Variants in DMD observed in about 807,000 individuals in gnomAD.
DMD encodes dystrophin, also known as mutant dystrophin.
DMD carries 63 observed loss-of-function variants against 330.1 expected under a neutral mutation model. The ratio of observed to expected loss-of-function variants is 0.19; its 90% confidence interval spans 0.16 to 0.24. DMD has a LOEUF of 0.24. DMD is among the 10% of genes least tolerant of loss of function. The pLI, the probability that DMD is intolerant of heterozygous loss-of-function variation, is 1.00. For missense variants in DMD, 3,344 were observed against 2,684.1 expected (o/e 1.25, Z -5.43); for synonymous variants, 1,223 against 959.8 (o/e 1.27, Z -5.07).
Position 32,614,283 on chromosome X carries a change from G to C in DMD, c.1482+20C>G, listed in dbSNP as rs766314821. 1.7e-6 allele frequency: 2 copies of C among 1,203,142 alleles called. No individual in the cohort carries two copies. Among genetic ancestry groups the C allele is most frequent in the African/African-American group, 3.5e-5 (2 of 56,686 alleles). On this transcript the variant is annotated intron_variant, in intron 12 of 78. Coordinates refer to ENST00000357033, the MANE Select transcript of DMD (RefSeq NM_004006.3). ...GAGTTTGCTTTCTAGTAGAAAGCAC[G>C]CAACATAAGATACACCTACCTTATG...
At chrX:31,872,720 G>A (rs907321381) in intron 48 of DMD, among the ~76,000 whole-genome samples, 4 of 111,630 alleles carry the variant, frequency 3.6e-5, no homozygotes, top group African/African-American at 9.8e-5. Flanking sequence ...GCAATATTAC[G>A]CCAGTTACTT....
At chrX:32,153,241 T>C (rs1456789895) in intron 44 of DMD, among the ~76,000 whole-genome samples, 2 of 112,027 alleles carry the variant, frequency 1.8e-5, no homozygotes, top group Non-Finnish European at 3.8e-5. Context: ...ACAGACAATA[T>C]CTCTGGAATT....
intron 1 of DMD, among the ~76,000 whole-genome samples, chrX:33,072,921 A>G (rs776084160): frequency 8.9e-6 from 1 of 111,920 alleles, no homozygotes; most frequent in African/African-American, 3.2e-5. Flanking sequence ...GACTAAAACT[A>G]CTATTTAATT....
chrX:31,246,666 G>A (rs1341019036), intron 63 of DMD, among the ~76,000 whole-genome samples: 1 of 112,237 alleles, frequency 8.9e-6, no homozygotes, highest in Non-Finnish European at 1.9e-5. Flanking sequence ...AGTGGCTCAT[G>A]CCTGTAATCC....
intron 2 of DMD, among the ~76,000 whole-genome samples, chrX:32,908,426 C>T (rs2086906228): frequency 8.9e-6 from 1 of 112,087 alleles, no homozygotes; most frequent in African/African-American, 3.2e-5. Context: ...TTGCACCAAA[C>T]ATTTTAACTT....
chrX:33,067,673 T>C (rs1427026163), intron 1 of DMD, among the ~76,000 whole-genome samples: 1 of 110,506 alleles, frequency 9.0e-6, no homozygotes, highest in Non-Finnish European at 1.9e-5. Context: ...AAATCCCATC[T>C]CTACTAAAAA....
chrX:32,342,018 T>C, intron 41 of DMD, 82 bp downstream of exon 41: 1 of 948,781 alleles, frequency 1.1e-6, no homozygotes, highest in Non-Finnish European at 1.4e-6. Context: ...AGATTTTTTG[T>C]CTCTTTTTTT....
At chrX:32,721,761 A>C (rs767558160) in intron 7 of DMD, among the ~76,000 whole-genome samples, 2 of 111,037 alleles carry the variant, frequency 1.8e-5, no homozygotes, top group Non-Finnish European at 3.8e-5. Flanking sequence ...AATCCTTGCA[A>C]AGGCGACTGT....
At chrX:32,266,107 G>A (rs1201284583) in intron 43 of DMD, among the ~76,000 whole-genome samples, 1 of 111,999 alleles carries the variant, frequency 8.9e-6, no homozygotes, top group Admixed American at 9.5e-5. Context: ...TGTGTCATGT[G>A]AGGGACCCAG....
chrX:31,853,939 T>C (rs1569479891), intron 48 of DMD, among the ~76,000 whole-genome samples: 2 of 111,940 alleles, frequency 1.8e-5, no homozygotes, highest in African/African-American at 3.3e-5. Flanking sequence ...TCGATTTGTT[T>C]CCTTCCTGTG....
chrX:32,888,920 AT>A (rs776059565), intron 2 of DMD, among the ~76,000 whole-genome samples: 15 of 106,859 alleles, frequency 1.4e-4, no homozygotes, highest in Admixed American at 5.0e-4. Flanking sequence ...GAAAATTATA[AT>A]TTTTTTTTTT....
chrX:31,870,585 G>A (rs763192964), intron 48 of DMD, among the ~76,000 whole-genome samples: 152 of 112,091 alleles, frequency 1.4e-3, no homozygotes, highest in Non-Finnish European at 2.3e-3. Flanking sequence ...TATTGCAAAA[G>A]TTTTGAACAC....
intron 53 of DMD, among the ~76,000 whole-genome samples, chrX:31,674,354 T>C (rs371605435): frequency 8.9e-6 from 1 of 112,515 alleles, no homozygotes; most frequent in Non-Finnish European, 1.9e-5. Context: ...AAATTAATTA[T>C]GTGATTATAG....
At position 32,565,742 on chromosome X, in the gene DMD, C is replaced by A; in HGVS notation, c.1952G>T (p.Trp651Leu). 1 of 1,211,464 alleles carries A rather than the reference C, an allele frequency of 8.3e-7. No homozygotes were observed. Among genetic ancestry groups the A allele is most frequent in the African/African-American group, 1.7e-5 (1 of 57,719 alleles). The change falls in exon 16 of 79, where the codon TGG becomes TTG. Residue 651 changes from tryptophan (W) to leucine (L), a missense_variant. Physicochemically the swap from Trp to Leu is moderately conservative, Grantham distance 61. Transcript: ENST00000357033. ...TTCAAGTTTTTGGACTAAATTATCC[C>A]AACACCGGGCAAAGTTATCCAGCCA... is the stretch of plus-strand genomic sequence containing the variant. ...EAWLDNFARC[W>L]DNLVQKLEKS... is the part of the protein sequence containing the mutation.
chrX:32,321,615 T>A (rs1232006413), intron 41 of DMD, among the ~76,000 whole-genome samples: 1 of 111,525 alleles, frequency 9.0e-6, no homozygotes, highest in Admixed American at 9.6e-5. Flanking sequence ...ATATGTAAAT[T>A]TTGTGAATAG....
intron 47 of DMD, among the ~76,000 whole-genome samples, chrX:31,878,404 A>T (rs2094001327): frequency 8.9e-6 from 1 of 112,168 alleles, no homozygotes; most frequent in African/African-American, 3.2e-5. Flanking sequence ...CAAATTCAGG[A>T]TTATTATTTT....
At chrX:32,226,203 A>G (rs765818725) in intron 43 of DMD, among the ~76,000 whole-genome samples, 24 of 111,397 alleles carry the variant, frequency 2.2e-4, no homozygotes, top group Non-Finnish European at 4.1e-4. Context: ...CTCACTTCCT[A>G]CTTTGGTCCC....
intron 13 of DMD, among the ~76,000 whole-genome samples, chrX:32,584,084 A>C (rs2053959567): frequency 1.8e-5 from 2 of 111,626 alleles, no homozygotes; most frequent in Admixed American, 1.9e-4. Context: ...TATATATTTT[A>C]AACTAAAATA....
chrX:31,174,073 T>C (rs2040270652), intron 71 of DMD, among the ~76,000 whole-genome samples: 1 of 112,062 alleles, frequency 8.9e-6, no homozygotes, highest in African/African-American at 3.2e-5. Context: ...AAGAGGCTAC[T>C]CTAGTACAAG....
Sources: gnomAD v4.1 joint callset for allele counts (sites outside exome capture counted in the v4.1 genomes callset) on GRCh38, gnomAD v4.1.1 for gene constraint, MANE v1.5 for transcripts, NCBI Gene and HGNC (gene_info 2026-07-23, HGNC 2026-07-21) for gene names.